ZFYVE16: variants seen among roughly 807,000 people sequenced by gnomAD.
ZFYVE16 encodes the protein zinc finger FYVE domain-containing protein 16.
In ZFYVE16, 89 loss-of-function variants were observed where a neutral mutation model predicts 138.1. The observed-to-expected ratio is 0.64, with a 90% confidence interval of 0.54 to 0.77. The LOEUF is 0.77. ZFYVE16 is among the 30% of genes least tolerant of loss of function. The pLI is 0.00. For missense variants in ZFYVE16, 1,793 were observed against 1,786.7 expected, an observed-to-expected ratio of 1.00 and a Z score of -0.06; for synonymous variants, 596 against 618.3, an observed-to-expected ratio of 0.96 and a Z score of 0.53.
chr5:80,455,604 GT>G, intron 11 of ZFYVE16, 87 bp from the exon 12 acceptor site: 1 of 1,009,216 alleles, frequency 9.9e-7, no homozygotes, highest in Non-Finnish European at 1.5e-6. Context: ...CATAATGTTT[GT>G]TTGTAAAATG....
chr5:80,443,115 C>A lies in ZFYVE16; in HGVS notation c.2420-8C>A. 1 of 1,532,120 alleles carries A rather than the reference C, an allele frequency of 6.5e-7. No homozygotes were observed. Among genetic ancestry groups the A allele is most frequent in the Non-Finnish European group, 8.7e-7 (1 of 1,151,600 alleles). The allele number at this position is 1,532,120 out of a possible 1,614,324, so 94.9% of individuals were successfully genotyped here. On this transcript the variant is annotated splice_region_variant and splice_polypyrimidine_tract_variant and intron_variant, in intron 5 of 18. Transcript: ENST00000505560. ...GAGATTTTAACACTATTGTTTTCCCCTTTATAGCTCAGGCATTTGAAAGGA... is the reference window on the plus strand; with the variant it reads ...GAGATTTTAACACTATTGTTTTCCCATTTATAGCTCAGGCATTTGAAAGGA...
chr5:80,470,101 A>ATATT (rs1208201212), intron 15 of ZFYVE16, among the ~76,000 whole-genome samples: 1,502 of 108,442 alleles, frequency 0.014, 38 homozygotes, highest in African/African-American at 0.041. Context: ...GTGTGTGTGT[A>ATATT]TTTTTTTTTT....
chr5:80,469,810 AT>A (rs57924011), intron 15 of ZFYVE16, among the ~76,000 whole-genome samples: 2 of 147,706 alleles, frequency 1.4e-5, no homozygotes, highest in African/African-American at 2.5e-5. Context: ...TTCTCCAATT[AT>A]TTTTTTTTTG....
intron 1 of ZFYVE16, among the ~76,000 whole-genome samples, chr5:80,426,218 G>T (rs1368868394): frequency 1.0e-4 from 15 of 145,010 alleles, no homozygotes; most frequent in African/African-American, 3.6e-4. Flanking sequence ...GTGTGTGTGT[G>T]TGTGTGTGTG....
chr5:80,419,618 C>T (rs1416736871), intron 1 of ZFYVE16, among the ~76,000 whole-genome samples: 1 of 151,874 alleles, frequency 6.6e-6, no homozygotes, highest in African/African-American at 2.4e-5. Flanking sequence ...ACCTCATGAT[C>T]CGCCTACCTC....
rs1328848038 is a variant in ZFYVE16, at chr5:80,480,346, A to G, written c.*2969A>G. Reference sequence around the variant, plus strand: ...CTTTAAAACTCAGTAAATAGATGTAATAGAATGTAGCCAATTGGGGTAGTT... The same window carrying G: ...CTTTAAAACTCAGTAAATAGATGTAGTAGAATGTAGCCAATTGGGGTAGTT... On this transcript the variant is annotated 3_prime_UTR_variant, in exon 19 of 19. Coordinates refer to ENST00000505560, the MANE Select transcript of ZFYVE16 (RefSeq NM_001284236.3). Among the ~76,000 whole-genome samples, 1 of 152,174 alleles carries G rather than the reference A, an allele frequency of 6.6e-6. No individual in the cohort carries two copies. The highest frequency in any genetic ancestry group is 1.5e-5 in the Non-Finnish European group (1 of 68,026).
rs774686116 is a variant in ZFYVE16 at position 80,445,301 on chromosome 5, G to C, written c.2620G>C (p.Asp874His). The change falls in exon 7 of 19, where the codon GAT (aspartate) becomes CAT (histidine). Residue 874 changes from aspartate (D) to histidine (H), a missense_variant. By Grantham distance (81) the Asp-to-His change is moderately conservative. Around this residue, in one of 2 missense-constraint regions of ZFYVE16, gnomAD observed 1,295 missense variants for 1,204.3 expected, o/e 1.08. Transcript: ENST00000505560. ...SKEQKRVWFA[D>H]GILPNGEVAD... is the part of the protein sequence containing the mutation. Reference sequence around the variant, plus strand: ...AGAACAGAAGAGAGTATGGTTTGCAGATGGTATATTGCCCAATGGTGAAGT... The same window carrying C: ...AGAACAGAAGAGAGTATGGTTTGCACATGGTATATTGCCCAATGGTGAAGT... 69 of 1,613,846 alleles carry C rather than the reference G, an allele frequency of 4.3e-5. No individual in the cohort carries two copies. Among genetic ancestry groups the C allele is most frequent in the Non-Finnish European group, 5.8e-5 (68 of 1,179,956 alleles).
chr5:80,443,181 T>C lies in ZFYVE16; in HGVS notation c.2478T>C (p.Ser826=). 6.2e-7 allele frequency: 1 copy of C among 1,603,200 alleles called. No individual in the cohort carries two copies. The change falls in exon 6 of 19, where the codon TCT becomes TCC. Residue 826 remains serine (S), a synonymous_variant. Coordinates refer to ENST00000505560, the MANE Select transcript of ZFYVE16 (RefSeq NM_001284236.3). The part of the protein sequence containing the change: ...PTGSNLKSNH[S]DECTTVQPPQ... ...GTTCTAATCTTAAGTCTAATCATTC[T>C]GATGAATGTACTACTGTCCAGCCTC...
At chr5:80,464,650 C>A (rs1193698292) in intron 15 of ZFYVE16, among the ~76,000 whole-genome samples, 2 of 152,124 alleles carry the variant, frequency 1.3e-5, no homozygotes, top group African/African-American at 4.8e-5. Flanking sequence ...GTAATGTCCC[C>A]TCATGAATTG....
Position 80,477,864 on chromosome 5 carries a change from T to A in ZFYVE16, c.*487T>A, listed in dbSNP as rs979654795. 1 of 152,166 alleles carries A rather than the reference T, an allele frequency of 6.6e-6. No individual in the cohort carries two copies. The highest frequency in any genetic ancestry group is 1.5e-5 in the Non-Finnish European group (1 of 67,992). The allele number at this position is 152,166 out of a possible 1,614,324, so 9.4% of individuals were successfully genotyped here. Reference sequence around the variant, plus strand: ...GGTCTTAGACTTATAATTCTTTGAATAAAACTGATAACTTATTTGTATAAT... The same window carrying A: ...GGTCTTAGACTTATAATTCTTTGAAAAAAACTGATAACTTATTTGTATAAT... On this transcript the variant is annotated 3_prime_UTR_variant, in exon 19 of 19. Transcript: ENST00000505560.
chr5:80,473,682 T>C (rs757905957), intron 16 of ZFYVE16, 72 bp from the exon 17 acceptor site: 1 of 1,117,672 alleles, frequency 8.9e-7, no homozygotes, highest in Non-Finnish European at 1.3e-6. Flanking sequence ...ATTCCATTTG[T>C]TCAAATCTAA....
intron 1 of ZFYVE16, among the ~76,000 whole-genome samples, chr5:80,425,036 T>G (rs1446178794): frequency 6.6e-6 from 1 of 152,238 alleles, no homozygotes; most frequent in Non-Finnish European, 1.5e-5. Context: ...TAAATGTGGA[T>G]TTCTCTTTGT....
At chr5:80,422,372 ACTTATT>A (rs1430650283) in intron 1 of ZFYVE16, among the ~76,000 whole-genome samples, 1 of 152,188 alleles carries the variant, frequency 6.6e-6, no homozygotes, top group African/African-American at 2.4e-5. Context: ...GATATTTTAT[ACTTATT>A]CTTTATCAGA....
At chr5:80,435,806 C>A (rs1235489184) in intron 3 of ZFYVE16, 2 of 370,172 alleles carry the variant, frequency 5.4e-6, no homozygotes, top group Non-Finnish European at 1.1e-5. Context: ...AACTCCTGAT[C>A]TCAAGTTATC....
At position 80,438,091 on chromosome 5, in the gene ZFYVE16, A is replaced by G. The variant is rs1170763836; in HGVS notation, c.1406A>G (p.Asp469Gly). ...ACAGTAATCAGAGCTGAGTCTTTGG[A>G]TGGTGGTGACACCAGTTCTACAGTT... ...DQTVIRAESL[D>G]GGDTSSTVVE... The change falls in exon 4 of 19, where the codon GAT becomes GGT. Residue 469 changes from aspartate (D) to glycine (G), a missense_variant. Physicochemically the swap from Asp to Gly is moderately conservative, Grantham distance 94 (BLOSUM62 -1). This residue lies in a region of ZFYVE16 where 1,295 missense variants were observed against 1,204.3 expected (regional missense o/e 1.08). Transcript: ENST00000505560. 1 of 1,613,996 alleles carries G rather than the reference A, an allele frequency of 6.2e-7. No individual in the cohort carries two copies. Among genetic ancestry groups the G allele is most frequent in the Non-Finnish European group, 8.5e-7 (1 of 1,179,990 alleles).
Position 80,422,217 on chromosome 5 carries a change from A to G in ZFYVE16, c.-93-5275A>G, listed in dbSNP as rs552862567. On this transcript the variant is annotated intron_variant, in intron 1 of 18. Transcript: ENST00000505560. ...TTGGGCTGAGACAATAGGGTTTTCT[A>G]TATGGGGTTTTCCTTTTCTTGTCTT... Among the ~76,000 whole-genome samples, 164 of 152,254 alleles carry G rather than the reference A, an allele frequency of 1.1e-3. 2 individuals carry two copies. In the Middle Eastern group the frequency reaches 0.027, roughly 25 times the overall value.
At chr5:80,422,380 T>C (rs1331919199) in intron 1 of ZFYVE16, among the ~76,000 whole-genome samples, 2 of 152,218 alleles carry the variant, frequency 1.3e-5, no homozygotes, top group African/African-American at 4.8e-5. Context: ...ATACTTATTC[T>C]TTATCAGATT....
At chr5:80,467,474 T>G (rs1312346737) in intron 15 of ZFYVE16, among the ~76,000 whole-genome samples, 1 of 152,210 alleles carries the variant, frequency 6.6e-6, no homozygotes, top group African/African-American at 2.4e-5. Context: ...AGGATAGTTA[T>G]TAGTTTCAGG....
In ZFYVE16 at chr5:80,437,742, GATA is replaced by G. The variant is rs764403323; in HGVS notation, c.1060_1062del (p.Asn354del). ...AGACTCAAAAAGTTTAGACCTTAAG[GATA>G]ATGATGTAATCCAAGATTCCTCTTC... On this transcript the variant is annotated inframe_deletion, in exon 4 of 19. Transcript: ENST00000505560. 1 of 1,614,088 alleles carries G rather than the reference GATA, an allele frequency of 6.2e-7. No homozygotes were observed. The highest frequency in any genetic ancestry group is 8.5e-7 in the Non-Finnish European group (1 of 1,179,994).
Sources: gnomAD v4.1 joint callset for allele counts (sites outside exome capture counted in the v4.1 genomes callset) on GRCh38, gnomAD v4.1.1 for gene constraint, gnomAD v4.1.1 regional missense constraint, MANE v1.5 for transcripts, NCBI Gene and HGNC (gene_info 2026-07-23, HGNC 2026-07-21) for gene names.